The following GPATCH1 variants were observed in gnomAD, a reference collection of about 807,000 sequenced individuals.
GPATCH1 encodes G patch domain-containing protein 1.
Under a neutral mutation model 114.9 loss-of-function variants are expected in GPATCH1, and 73 were observed. The ratio of observed to expected loss-of-function variants is 0.64; its 90% CI spans 0.53 to 0.77. The LOEUF is 0.77. GPATCH1 is among the 30% of genes least tolerant of loss of function. The pLI is 0.00. For missense variants in GPATCH1, 1,058 were observed against 1,144.3 expected (o/e 0.92, Z 1.09); for synonymous variants, 391 against 428.4 (o/e 0.91, Z 1.08).
chr19:33,108,334 C>T (rs1266841476), intron 10 of GPATCH1, among the ~76,000 whole-genome samples: 1 of 152,198 alleles, frequency 6.6e-6, no homozygotes, highest in African/African-American at 2.4e-5. Context: ...CGGCCCCGCC[C>T]CTGCCCGCCT....
At chr19:33,111,612 G>A (rs1972854660) in intron 11 of GPATCH1, 112 bp from the exon 12 acceptor site, 3 of 911,946 alleles carry the variant, frequency 3.3e-6, no homozygotes, top group East Asian at 5.0e-5. Context: ...ATAAAAACAA[G>A]GATAAGGACT....
Position 33,114,308 on chromosome 19 carries a change from C to T in GPATCH1, c.2085C>T (p.Ser695=), listed in dbSNP as rs369945039. 2 of 1,613,166 alleles carry T rather than the reference C, an allele frequency of 1.2e-6. No individual in the cohort carries two copies. The highest frequency in any genetic ancestry group is 1.7e-6 in the Non-Finnish European group (2 of 1,179,352). Residue 695 remains serine (S), a synonymous_variant, in exon 15 of 20, where the codon TCC becomes TCT. Coordinates refer to ENST00000170564, the MANE Select transcript of GPATCH1 (RefSeq NM_018025.3). The part of the protein sequence containing the change: ...DTSKHEKKED[S]ISEFLSLARS... ...CTAAACACGAAAAGAAAGAAGATTC[C>T]ATTAGTGAATTTTTAAGTTTGGCTA...
chr19:33,115,140 C>T (rs922098376), intron 15 of GPATCH1, among the ~76,000 whole-genome samples: 2 of 149,962 alleles, frequency 1.3e-5, no homozygotes, highest in South Asian at 2.1e-4. Context: ...TGGCTCACTG[C>T]AGGCTCGAAC....
intron 19 of GPATCH1, among the ~76,000 whole-genome samples, 185 bp downstream of exon 19, chr19:33,126,918 AC>A (rs1973048273): frequency 6.6e-6 from 1 of 151,638 alleles, no homozygotes; most frequent in Non-Finnish European, 1.5e-5. Context: ...GGAGTTTGAG[AC>A]CAGCCTGGGC....
intron 9 of GPATCH1, among the ~76,000 whole-genome samples, chr19:33,103,122 C>A (rs530725942): frequency 6.6e-6 from 1 of 152,236 alleles, no homozygotes; most frequent in Non-Finnish European, 1.5e-5. Flanking sequence ...GGGTGTCTGG[C>A]CATCTGCCTT....
intron 17 of GPATCH1, among the ~76,000 whole-genome samples, chr19:33,123,148 C>G (rs1322914929): frequency 6.6e-6 from 1 of 151,434 alleles, no homozygotes; most frequent in African/African-American, 2.4e-5. Flanking sequence ...GCCTGTAATC[C>G]CAGCACTTTG....
chr19:33,120,271 C>CATATATAAAAATTATATAA (rs1972965886), intron 17 of GPATCH1, among the ~76,000 whole-genome samples: 1 of 120,284 alleles, frequency 8.3e-6, no homozygotes, highest in Non-Finnish European at 1.7e-5. Context: ...TTATATATAA[C>CATATATAAAAATTATATAA]AATTATATAT....
At chr19:33,084,735 A>G (rs1424048239) in intron 1 of GPATCH1, among the ~76,000 whole-genome samples, 1 of 144,156 alleles carries the variant, frequency 6.9e-6, no homozygotes, top group East Asian at 2.0e-4. Context: ...ATCTTTGCTC[A>G]CTGCAACCAC....
At chr19:33,088,342 CTT>C (rs879692801) in intron 2 of GPATCH1, 74 bp downstream of exon 2, 2,945 of 854,160 alleles carry the variant, frequency 3.4e-3, no homozygotes, top group Non-Finnish European at 3.7e-3. Flanking sequence ...CTCACCCTTG[CTT>C]TTTTTTTTTT....
At chr19:33,086,461 T>C (rs2019603) in intron 1 of GPATCH1, among the ~76,000 whole-genome samples, 63,116 of 151,870 alleles carry the variant, frequency 0.42, 16,559 homozygotes, top group African/African-American at 0.73. Context: ...TTGTTCAAGA[T>C]GACAAATTTT....
rs770370778 is a variant in GPATCH1, at chr19:33,114,237, A to G, written c.2030-16A>G. 15 of 1,600,798 alleles carry G rather than the reference A, an allele frequency of 9.4e-6. No homozygotes were observed. The South Asian group carries it at 1.7e-4, about 18-fold the overall frequency. Reference sequence around the variant, plus strand: ...CTTGCTAATGCTGGAGTTTATATCTATGTCCTGCCTTTCAGAATCAAGAAA... The same window carrying G: ...CTTGCTAATGCTGGAGTTTATATCTGTGTCCTGCCTTTCAGAATCAAGAAA... On this transcript the variant is annotated splice_polypyrimidine_tract_variant and intron_variant, in intron 14 of 19. Transcript: ENST00000170564.
chr19:33,093,309 G>A (rs1294847495), intron 3 of GPATCH1, 50 bp from the exon 4 acceptor site: 1 of 1,230,048 alleles, frequency 8.1e-7, no homozygotes, highest in Non-Finnish European at 1.2e-6. Context: ...GTGATGTATT[G>A]TGTATAGTCA....
At chr19:33,116,631 G>A (rs1344086590) in intron 15 of GPATCH1, among the ~76,000 whole-genome samples, 1 of 152,128 alleles carries the variant, frequency 6.6e-6, no homozygotes, top group Non-Finnish European at 1.5e-5. Context: ...CCAGGTTCAC[G>A]CCATTCTCCT....
At chr19:33,095,355 C>T (rs181302132) in intron 5 of GPATCH1, among the ~76,000 whole-genome samples, 2 of 151,052 alleles carry the variant, frequency 1.3e-5, no homozygotes, top group East Asian at 2.0e-4. Flanking sequence ...CTCTGCTTCC[C>T]GGTTCAAGCG....
intron 8 of GPATCH1, among the ~76,000 whole-genome samples, chr19:33,098,882 G>A (rs1371673184): frequency 1.3e-5 from 2 of 151,978 alleles, no homozygotes; most frequent in Non-Finnish European, 2.9e-5. Flanking sequence ...TGGTCAGTGG[G>A]CTGCTAGTAC....
At chr19:33,115,275 A>G (rs796257516) in intron 15 of GPATCH1, among the ~76,000 whole-genome samples, 29 of 50,872 alleles carry the variant, frequency 5.7e-4, no homozygotes, top group African/African-American at 2.0e-3. Flanking sequence ...GGGCCTTGCT[A>G]TGTTTTTCCA....
At chr19:33,117,138 G>A (rs1376329047) in intron 15 of GPATCH1, among the ~76,000 whole-genome samples, 1 of 152,136 alleles carries the variant, frequency 6.6e-6, no homozygotes, top group African/African-American at 2.4e-5. Flanking sequence ...CAACACTGCA[G>A]TGTGCTATGA....
At position 33,106,860 on chromosome 19, in the gene GPATCH1, T is replaced by G; in HGVS notation, c.1246T>G (p.Ser416Ala). Residue 416 changes from serine (S) to alanine (A), a missense_variant, in exon 10 of 20, where the codon TCC (serine) becomes GCC (alanine). Ser to Ala is a moderately conservative substitution (Grantham distance 99). This residue lies in a region of GPATCH1 where 893 missense variants were observed against 977.4 expected (regional missense o/e 0.91). Coordinates refer to ENST00000170564, the MANE Select transcript of GPATCH1 (RefSeq NM_018025.3). ...GTHSKHQLNA[S>A]KRAELLGETP... ...ACACAGTAAGCACCAACTGAATGCC[T>G]CCAAACGGGCTGAGTTGCTTGGAGA... 6.2e-7 allele frequency: 1 copy of G among 1,613,924 alleles called. No homozygotes were observed.
intron 10 of GPATCH1, among the ~76,000 whole-genome samples, chr19:33,108,312 C>T (rs931878158): frequency 4.8e-4 from 73 of 152,312 alleles, no homozygotes; most frequent in African/African-American, 1.7e-3. Context: ...AGGCTCCCCA[C>T]GAGGCCCTGT....
Sources: allele counts gnomAD v4.1 joint callset (sites outside exome capture counted in the v4.1 genomes callset), GRCh38; gene constraint gnomAD v4.1.1; regional missense constraint gnomAD v4.1.1; transcripts MANE v1.5; gene names NCBI Gene and HGNC (gene_info 2026-07-23, HGNC 2026-07-21).